GOLIM4: variants seen among roughly 807,000 people sequenced by gnomAD.
The protein encoded by GOLIM4 is 130 kDa golgi-localized phosphoprotein.
GOLIM4 carries 71 observed loss-of-function variants against 107.4 expected under a neutral mutation model. That is an observed-to-expected ratio of 0.66 (90% CI 0.55 to 0.81). The LOEUF is 0.81. GOLIM4 is among the 30% of genes least tolerant of loss of function. The pLI is 0.00. For synonymous variants in GOLIM4, 327 were observed against 294.8 expected (o/e 1.11, Z -1.12); for missense variants, 830 against 826.1 (o/e 1.00, Z -0.06).
intron 1 of GOLIM4, among the ~76,000 whole-genome samples, chr3:168,053,069 G>A (rs1359373775): frequency 6.6e-6 from 1 of 152,170 alleles, no homozygotes; most frequent in Non-Finnish European, 1.5e-5. Flanking sequence ...AACCAGGAAT[G>A]GAAAGAGGTT....
chr3:168,023,789 G>A (rs557212243), intron 14 of GOLIM4, among the ~76,000 whole-genome samples: 35 of 152,182 alleles, frequency 2.3e-4, no homozygotes, highest in Non-Finnish European at 4.1e-4. Context: ...GCGGAATGCT[G>A]TGATAAAACG....
Position 168,048,357 on chromosome 3 carries a change from C to T in GOLIM4, c.196G>A (p.Glu66Lys). 1 of 1,494,188 alleles carries T rather than the reference C, an allele frequency of 6.7e-7. No homozygotes were observed. The highest frequency in any genetic ancestry group is 9.2e-7 in the Non-Finnish European group (1 of 1,089,156). The allele number at this position is 1,494,188 out of a possible 1,614,324, so 92.6% of individuals were successfully genotyped here. Residue 66 changes from glutamate to lysine, a missense_variant, in exon 2 of 16, where the codon GAA becomes AAA. Transcript: ENST00000470487. ...GATTTCTCTAATCTTGATCTGTGTT[C>T]ATATACAACTGGAAAAAAAGTTAAC... ...SLSAQLQVVY[E>K]HRSRLEKSLQ...
At chr3:168,022,711 G>A (rs1258910482) in intron 14 of GOLIM4, among the ~76,000 whole-genome samples, 2 of 152,234 alleles carry the variant, frequency 1.3e-5, no homozygotes, top group African/African-American at 4.8e-5. Flanking sequence ...AAAAAGGCAC[G>A]TGGGACTTCC....
chr3:168,074,493 G>A (rs73878631), intron 1 of GOLIM4, among the ~76,000 whole-genome samples: 1,684 of 152,218 alleles, frequency 0.011, 31 homozygotes, highest in African/African-American at 0.039. Flanking sequence ...TGAGAAAGGC[G>A]TGAGCTTGAG....
chr3:168,045,541 T>C (rs1241248729), intron 3 of GOLIM4, among the ~76,000 whole-genome samples: 1 of 152,108 alleles, frequency 6.6e-6, no homozygotes, highest in Non-Finnish European at 1.5e-5. Flanking sequence ...GGGTATATCT[T>C]TGTGTTCCTG....
chr3:168,073,205 T>C (rs549316469), intron 1 of GOLIM4, among the ~76,000 whole-genome samples: 191 of 152,342 alleles, frequency 1.3e-3, no homozygotes, highest in African/African-American at 4.3e-3. Context: ...TGTTCTCATA[T>C]GATCCGTATC....
chr3:168,011,091 G>A (rs9869146), intron 14 of GOLIM4, among the ~76,000 whole-genome samples: 3,978 of 152,254 alleles, frequency 0.026, 170 homozygotes, highest in African/African-American at 0.091. Flanking sequence ...CAGTGTGAGC[G>A]ACGCAGAAGA....
intron 12 of GOLIM4, among the ~76,000 whole-genome samples, chr3:168,027,015 A>G (rs1718027247): frequency 6.6e-6 from 1 of 152,198 alleles, no homozygotes; most frequent in South Asian, 2.1e-4. Context: ...AGCTGTAAAA[A>G]TCATCTACGC....
intron 9 of GOLIM4, among the ~76,000 whole-genome samples, chr3:168,031,783 G>C (rs906619840): frequency 6.6e-6 from 1 of 152,038 alleles, no homozygotes; most frequent in Non-Finnish European, 1.5e-5. Flanking sequence ...ATAAATAGAA[G>C]GTGATCCACA....
chr3:168,091,179 T>A (rs1056104335), intron 1 of GOLIM4, among the ~76,000 whole-genome samples: 5 of 152,222 alleles, frequency 3.3e-5, no homozygotes, highest in Non-Finnish European at 5.9e-5. Context: ...GACCTTTTTT[T>A]AAAATTTTAA....
At chr3:168,058,287 T>C (rs1260356301) in intron 1 of GOLIM4, among the ~76,000 whole-genome samples, 1 of 152,218 alleles carries the variant, frequency 6.6e-6, no homozygotes, top group African/African-American at 2.4e-5. Flanking sequence ...CCTTTTCTTT[T>C]GTGGATAAAA....
At position 168,036,907 on chromosome 3, in the gene GOLIM4, C is replaced by T. The variant is rs1252196331; in HGVS notation, c.772G>A (p.Val258Met). ...TGTGGAGAATGTGCCACCTGGGTCA[C>T]ATTTTGCTGTTCTGCTGGATCAGGT... The part of the protein sequence containing the change: ...RKPDPAEQQN[V>M]TQVAHSPQGY... The change falls in exon 8 of 16, where the codon GTG becomes ATG. Residue 258 changes from valine (V) to methionine (M), a missense_variant. Physicochemically the swap from Val to Met is conservative, Grantham distance 21 (BLOSUM62 1). Transcript: ENST00000470487. The T allele has an allele frequency of 1.9e-6, 3 of 1,613,368 alleles. No individual in the cohort carries two copies. Among genetic ancestry groups the T allele is most frequent in the Non-Finnish European group, 1.7e-6 (2 of 1,179,652 alleles).
At chr3:168,019,911 T>C (rs1717589159) in intron 14 of GOLIM4, among the ~76,000 whole-genome samples, 1 of 152,022 alleles carries the variant, frequency 6.6e-6, no homozygotes, top group Non-Finnish European at 1.5e-5. Flanking sequence ...ACATCATTCA[T>C]TGATGACTGT....
chr3:168,063,421 T>C (rs180693499), intron 1 of GOLIM4, among the ~76,000 whole-genome samples: 16 of 152,292 alleles, frequency 1.1e-4, no homozygotes, highest in Admixed American at 3.9e-4. Flanking sequence ...TTTAGGTTCA[T>C]AGCAAAATTG....
Position 168,056,679 on chromosome 3 carries a change from T to G in GOLIM4, c.188-8314A>C, listed in dbSNP as rs144839508. On this transcript the variant is annotated intron_variant, in intron 1 of 15. Transcript: ENST00000470487. ...GAGATAGTTCCAGAGCTTTAAGGTT[T>G]GACTGTCCTGCTGGATTTTGGTCTT... 5.4e-3 allele frequency among the ~76,000 whole-genome samples: 828 copies of G among 152,344 alleles called. 8 individuals are homozygous for G. Among genetic ancestry groups the G allele is most frequent in the African/African-American group, 0.018 (762 of 41,584 alleles).
chr3:168,017,019 G>A (rs1717408634), intron 14 of GOLIM4, among the ~76,000 whole-genome samples: 1 of 151,442 alleles, frequency 6.6e-6, no homozygotes, highest in Non-Finnish European at 1.5e-5. Context: ...ATGTGCACAT[G>A]TACCCTAAAA....
rs776917137 is a variant in GOLIM4 at position 168,043,467 on chromosome 3, C to T, written c.429G>A (p.Gly143=). ...SDLEEEHRKQ[G]EDFSRTFNDH... The stretch of plus-strand genomic sequence containing the variant: ...CATTAAATGTTCTACTGAAGTCTTC[C>T]CCTTGTTTGCGATGTTCCTCTTCCA... The change falls in exon 5 of 16, where the codon GGG becomes GGA. Residue 143 remains glycine, a synonymous_variant. Coordinates refer to ENST00000470487, the MANE Select transcript of GOLIM4 (RefSeq NM_014498.5). 11 of 1,612,996 alleles carry T rather than the reference C, an allele frequency of 6.8e-6. No homozygotes were observed. Among genetic ancestry groups the T allele is most frequent in the Middle Eastern group, 1.6e-4 (1 of 6,082 alleles).
intron 14 of GOLIM4, among the ~76,000 whole-genome samples, chr3:168,019,451 C>T (rs1034221851): frequency 2.0e-5 from 3 of 152,156 alleles, no homozygotes; most frequent in African/African-American, 7.2e-5. Context: ...TCCATAGTAG[C>T]ATCTGATGTC....
intron 1 of GOLIM4, among the ~76,000 whole-genome samples, chr3:168,082,095 CTTT>C (rs1371322194): frequency 6.6e-6 from 1 of 152,064 alleles, no homozygotes; most frequent in South Asian, 2.1e-4. Context: ...GGTTCTTAAC[CTTT>C]TTCAGGTCAA....
Sources: gnomAD v4.1 joint callset for allele counts (sites outside exome capture counted in the v4.1 genomes callset) on GRCh38, gnomAD v4.1.1 for gene constraint, MANE v1.5 for transcripts, NCBI Gene and HGNC (gene_info 2026-07-23, HGNC 2026-07-21) for gene names.